PTPRD: variants seen among roughly 807,000 people sequenced by gnomAD.
The protein encoded by PTPRD is protein tyrosine phosphatase receptor type D, also known as receptor-type tyrosine-protein phosphatase delta.
Under a neutral mutation model 214.5 loss-of-function variants are expected in PTPRD, and 34 were observed. The observed-to-expected ratio is 0.16, with a 90% confidence interval of 0.12 to 0.21. The LOEUF (loss-of-function observed/expected upper bound fraction) is 0.21. Ranked by LOEUF, PTPRD falls within the 10% of genes least tolerant of loss-of-function variation. The pLI is 1.00. For synonymous variants in PTPRD, 1,128 were observed against 845.7 expected (o/e 1.33, Z -5.79); for missense variants, 2,545 against 2,398.7 (o/e 1.06, Z -1.27).
intron 8 of PTPRD, among the ~76,000 whole-genome samples, chr9:9,572,561 GTA>G (rs113092220): frequency 0.095 from 13,429 of 140,676 alleles, 733 homozygotes; most frequent in African/African-American, 0.16. Context: ...ATATATATAT[GTA>G]TATATATATA....
intron 11 of PTPRD, among the ~76,000 whole-genome samples, chr9:8,832,398 AGCTAAAATCATC>A (rs2097313114): frequency 7.1e-6 from 1 of 141,028 alleles, no homozygotes; most frequent in East Asian, 2.0e-4. Flanking sequence ...AGCAAGGGGC[AGCTAAAATCATC>A]TTTTTTTTTT....
At chr9:9,318,378 A>G (rs986332646) in intron 9 of PTPRD, among the ~76,000 whole-genome samples, 8 of 152,142 alleles carry the variant, frequency 5.3e-5, no homozygotes, top group Non-Finnish European at 1.0e-4. Flanking sequence ...GAATTGACTG[A>G]TATTTTTTAA....
chr9:10,583,632 C>G (rs563866156), intron 2 of PTPRD, among the ~76,000 whole-genome samples: 34 of 152,056 alleles, frequency 2.2e-4, no homozygotes, highest in African/African-American at 7.5e-4. Flanking sequence ...GCACCCGCCA[C>G]CACGCCCGGC....
intron 7 of PTPRD, among the ~76,000 whole-genome samples, chr9:9,725,951 T>C (rs954467761): frequency 3.3e-5 from 5 of 152,160 alleles, no homozygotes; most frequent in African/African-American, 9.7e-5. Flanking sequence ...AGGACAGTCA[T>C]GTAAAAGACA....
intron 11 of PTPRD, among the ~76,000 whole-genome samples, chr9:8,927,038 T>C (rs896656231): frequency 1.3e-5 from 2 of 152,040 alleles, no homozygotes; most frequent in Non-Finnish European, 2.9e-5. Context: ...AGGAGGAAAC[T>C]GAGGTCCAGA....
chr9:10,124,784 T>C (rs887743893), intron 3 of PTPRD, among the ~76,000 whole-genome samples: 6 of 152,354 alleles, frequency 3.9e-5, no homozygotes, highest in Admixed American at 1.3e-4. Flanking sequence ...TTCCAATTAA[T>C]CATTTTATTT....
chr9:9,369,440 A>T (rs1451813279), intron 9 of PTPRD, among the ~76,000 whole-genome samples: 1 of 151,960 alleles, frequency 6.6e-6, no homozygotes, highest in Non-Finnish European at 1.5e-5. Flanking sequence ...TCCTTTGCCC[A>T]CTTTTTGGTG....
intron 3 of PTPRD, among the ~76,000 whole-genome samples, chr9:10,216,473 T>C (rs1225084282): frequency 6.6e-6 from 1 of 152,048 alleles, no homozygotes; most frequent in Admixed American, 6.6e-5. Context: ...CAATTAACTA[T>C]GGTTAACTTA....
intron 7 of PTPRD, among the ~76,000 whole-genome samples, chr9:9,593,542 A>C (rs540276493): frequency 3.5e-4 from 54 of 152,120 alleles, no homozygotes; most frequent in African/African-American, 1.3e-3. Context: ...AAAAATGTTA[A>C]TATGGAGGGA....
At chr9:8,852,949 T>C (rs1010464888) in intron 11 of PTPRD, among the ~76,000 whole-genome samples, 8 of 152,162 alleles carry the variant, frequency 5.3e-5, no homozygotes, top group South Asian at 2.1e-4. Context: ...TCCATTTTTT[T>C]CCCTGTGAGT....
intron 5 of PTPRD, among the ~76,000 whole-genome samples, chr9:9,914,616 G>T (rs754209905): frequency 6.6e-6 from 1 of 152,102 alleles, no homozygotes; most frequent in Admixed American, 6.6e-5. Context: ...CGTGTTTACC[G>T]CGCCTGTGTT....
chr9:8,967,238 G>C (rs372615314), intron 11 of PTPRD, among the ~76,000 whole-genome samples: 3 of 152,112 alleles, frequency 2.0e-5, no homozygotes, highest in African/African-American at 7.2e-5. Context: ...AAGCAGTTTG[G>C]AGATTCCTCA....
chr9:8,622,236 C>G (rs974547802), intron 14 of PTPRD, among the ~76,000 whole-genome samples: 2 of 151,816 alleles, frequency 1.3e-5, no homozygotes, highest in Non-Finnish European at 2.9e-5. Flanking sequence ...TTCTCAAAAC[C>G]GAACCAAAGT....
At chr9:10,042,639 G>C (rs1331992213) in intron 3 of PTPRD, among the ~76,000 whole-genome samples, 1 of 151,844 alleles carries the variant, frequency 6.6e-6, no homozygotes, top group East Asian at 1.9e-4. Context: ...TGCTGATTGT[G>C]GAAGGTAAAA....
intron 27 of PTPRD, among the ~76,000 whole-genome samples, chr9:8,492,411 G>A (rs2097168864): frequency 6.6e-6 from 1 of 152,104 alleles, no homozygotes; most frequent in African/African-American, 2.4e-5. Flanking sequence ...TCAGCCCCTA[G>A]AGGCTGCCTG....
At chr9:9,897,891 G>A (rs192664929) in intron 5 of PTPRD, among the ~76,000 whole-genome samples, 32 of 152,100 alleles carry the variant, frequency 2.1e-4, no homozygotes, top group African/African-American at 7.2e-4. Flanking sequence ...AGGCTTCACA[G>A]GTCAGACGGT....
At chr9:8,974,488 G>C (rs1056463871) in intron 11 of PTPRD, among the ~76,000 whole-genome samples, 1 of 151,924 alleles carries the variant, frequency 6.6e-6, no homozygotes, top group Admixed American at 6.6e-5. Context: ...ATGGTGGTTT[G>C]CTGTACCCAT....
intron 10 of PTPRD, among the ~76,000 whole-genome samples, chr9:9,027,149 T>G (rs1191811992): frequency 6.6e-6 from 1 of 151,776 alleles, no homozygotes; most frequent in Admixed American, 6.6e-5. Flanking sequence ...TTCTGAATTT[T>G]GTCCAGCTCA....
At chr9:9,693,986 T>C (rs2097323641) in intron 7 of PTPRD, among the ~76,000 whole-genome samples, 1 of 152,214 alleles carries the variant, frequency 6.6e-6, no homozygotes, top group Admixed American at 6.5e-5. Context: ...TCCGACAGAA[T>C]TGTGAATTCC....
Sources: allele counts gnomAD v4.1 joint callset (sites outside exome capture counted in the v4.1 genomes callset), GRCh38; gene constraint gnomAD v4.1.1; transcripts MANE v1.5; gene names NCBI Gene and HGNC (gene_info 2026-07-23, HGNC 2026-07-21).